SORCS2: variants seen among roughly 807,000 people sequenced by gnomAD.
The protein encoded by SORCS2 is VPS10 domain-containing receptor SorCS2.
In SORCS2, 100 loss-of-function variants were observed where a neutral mutation model predicts 141.6. The observed-to-expected ratio is 0.71, with a 90% CI of 0.60 to 0.83. The LOEUF is 0.83. Among genes scored for constraint, SORCS2 ranks in the 40% least tolerant of loss-of-function variants. The pLI is 0.00. For synonymous variants in SORCS2, 789 were observed against 676.9 expected (o/e 1.17, Z -2.57); for missense variants, 1,646 against 1,560.2 (o/e 1.05, Z -0.93).
At chr4:7,600,989 G>T (rs1717629577) in intron 3 of SORCS2, among the ~76,000 whole-genome samples, 1 of 152,182 alleles carries the variant, frequency 6.6e-6, no homozygotes, top group Non-Finnish European at 1.5e-5. Flanking sequence ...GGGTTCAAGT[G>T]ATCCTCCTGC....
At chr4:7,331,938 G>A (rs1004643316) in intron 1 of SORCS2, among the ~76,000 whole-genome samples, 10 of 152,252 alleles carry the variant, frequency 6.6e-5, no homozygotes, top group South Asian at 4.2e-4. Flanking sequence ...CTGGAGCCTG[G>A]GTCTGTATCC....
chr4:7,231,871 G>A (rs1326372217), intron 1 of SORCS2, among the ~76,000 whole-genome samples: 3 of 152,186 alleles, frequency 2.0e-5, no homozygotes, highest in Non-Finnish European at 4.4e-5. Context: ...GCATCTGGGG[G>A]GATTGGGAGA....
intron 3 of SORCS2, among the ~76,000 whole-genome samples, chr4:7,629,063 C>T (rs967950137): frequency 1.2e-4 from 18 of 152,034 alleles, no homozygotes; most frequent in Non-Finnish European, 2.2e-4. Context: ...TCTGGAGTTC[C>T]CTTCCCTCGC....
rs145900867 is a variant in SORCS2 at position 7,262,742 on chromosome 4, C to T, written c.480+69616C>T. Among the ~76,000 whole-genome samples the T allele has an allele frequency of 6.0e-3, 910 of 152,294 alleles. 4 individuals carry two copies. Among genetic ancestry groups the T allele is most frequent in the Middle Eastern group, 0.014 (4 of 294 alleles). On this transcript the variant is annotated intron_variant, in intron 1 of 26. Coordinates refer to ENST00000507866, the MANE Select transcript of SORCS2 (RefSeq NM_020777.3). The stretch of plus-strand genomic sequence containing the variant: ...ATGGGGAACACTGGGCACACTGACA[C>T]GACCTCCACACAGCCCTCAGCAGGG...
chr4:7,434,515 A>T (rs1413538693), intron 2 of SORCS2: 3 of 1,612,890 alleles, frequency 1.9e-6, no homozygotes, highest in East Asian at 2.2e-5. Context: ...GGCCCCACGG[A>T]GCATGCTCAG....
At chr4:7,313,905 T>G (rs1263032006) in intron 1 of SORCS2, among the ~76,000 whole-genome samples, 1 of 152,136 alleles carries the variant, frequency 6.6e-6, no homozygotes, top group Non-Finnish European at 1.5e-5. Flanking sequence ...CCTGTCCCAT[T>G]GAGGGCAGGA....
At chr4:7,423,197 C>T (rs571402963) in intron 2 of SORCS2, among the ~76,000 whole-genome samples, 3 of 152,316 alleles carry the variant, frequency 2.0e-5, no homozygotes, top group African/African-American at 7.2e-5. Flanking sequence ...CTCTTCATTG[C>T]ACTGATCATA....
At chr4:7,559,196 C>T (rs946404591) in intron 3 of SORCS2, among the ~76,000 whole-genome samples, 4 of 152,222 alleles carry the variant, frequency 2.6e-5, no homozygotes, top group African/African-American at 9.6e-5. Flanking sequence ...ACGTGCCCCC[C>T]TCCAAGAGGG....
intron 1 of SORCS2, chr4:7,310,611 CG>C (rs1281265369): frequency 6.5e-6 from 1 of 154,162 alleles, no homozygotes; most frequent in African/African-American, 2.4e-5. Context: ...CTTCCAGAAA[CG>C]CTAAAACGCA....
Position 7,741,077 on chromosome 4 carries a change from G to C in SORCS2, c.*813G>C, listed in dbSNP as rs531091076. ...ACCAGCAAGCAGCACCATCCCGCAG[G>C]CTTCTCCCACCTGATGGCTGTTCTC... On this transcript the variant is annotated 3_prime_UTR_variant, in exon 27 of 27. Coordinates refer to ENST00000507866, the MANE Select transcript of SORCS2 (RefSeq NM_020777.3). The C allele has an allele frequency of 1.0e-5, 4 of 398,858 alleles. No homozygotes were observed. The highest frequency in any genetic ancestry group is 2.5e-4 in the South Asian group (2 of 7,858). The allele number at this position is 398,858 out of a possible 1,614,324, so 24.7% of individuals were successfully genotyped here. A position where few individuals can be genotyped will look rare whatever the true frequency, so the allele number is the denominator to read the frequency against.
intron 2 of SORCS2, among the ~76,000 whole-genome samples, chr4:7,529,459 T>A (rs4689776): frequency 0.63 from 96,491 of 152,146 alleles, 31,210 homozygotes; most frequent in East Asian, 0.9. Flanking sequence ...TGCAGGCCAC[T>A]CCTGGCAGGA....
intron 1 of SORCS2, among the ~76,000 whole-genome samples, chr4:7,343,581 A>G (rs1720489924): frequency 6.6e-6 from 1 of 152,186 alleles, no homozygotes; most frequent in Admixed American, 6.5e-5. Context: ...AAGCTCAGCC[A>G]CTGAGAGCTC....
At chr4:7,434,811 G>A (rs1452253290) in intron 2 of SORCS2, 3 of 1,606,624 alleles carry the variant, frequency 1.9e-6, no homozygotes, top group East Asian at 2.2e-5. Flanking sequence ...CACACTCCTG[G>A]GGGCCTGAGG....
At chr4:7,587,101 G>A (rs1051593155) in intron 3 of SORCS2, among the ~76,000 whole-genome samples, 2 of 152,038 alleles carry the variant, frequency 1.3e-5, no homozygotes, top group Non-Finnish European at 2.9e-5. Flanking sequence ...GTCATGAGAG[G>A]TGCGCAAGCA....
intron 2 of SORCS2, among the ~76,000 whole-genome samples, chr4:7,491,415 C>G (rs548712600): frequency 6.6e-6 from 1 of 152,252 alleles, no homozygotes; most frequent in African/African-American, 2.4e-5. Context: ...CCTGCATGAG[C>G]ATGCCCCTCT....
chr4:7,486,685 C>T (rs942125569), intron 2 of SORCS2, among the ~76,000 whole-genome samples: 2 of 152,170 alleles, frequency 1.3e-5, no homozygotes, highest in Non-Finnish European at 2.9e-5. Context: ...GCATGCTCCC[C>T]CTGGAGCCTC....
At chr4:7,717,947 G>T in intron 17 of SORCS2, 65 bp from the exon 18 acceptor site, 2 of 1,472,302 alleles carry the variant, frequency 1.4e-6, no homozygotes, top group South Asian at 2.9e-5. Flanking sequence ...TCCCTCCCCA[G>T]ACTATGGGGC....
chr4:7,397,463 T>C (rs1228010593), intron 2 of SORCS2, among the ~76,000 whole-genome samples: 1 of 152,048 alleles, frequency 6.6e-6, no homozygotes, highest in Non-Finnish European at 1.5e-5. Context: ...GAAGCTCTTC[T>C]CGGTGTGGAT....
intron 1 of SORCS2, among the ~76,000 whole-genome samples, chr4:7,289,400 C>T (rs1032183657): frequency 1.3e-5 from 2 of 152,194 alleles, no homozygotes; most frequent in East Asian, 3.8e-4. Context: ...CCCTTGCAGG[C>T]AAGGCCCGGC....
Sources: gnomAD v4.1 joint callset for allele counts (sites outside exome capture counted in the v4.1 genomes callset) on GRCh38, gnomAD v4.1.1 for gene constraint, MANE v1.5 for transcripts, NCBI Gene and HGNC (gene_info 2026-07-23, HGNC 2026-07-21) for gene names.